PPP3CB: variants seen among roughly 807,000 people sequenced by gnomAD.
PPP3CB encodes the protein serine/threonine-protein phosphatase 2B catalytic subunit beta isoform.
PPP3CB carries 8 observed loss-of-function variants against 66.4 expected under a neutral mutation model. The ratio of observed to expected loss-of-function variants is 0.12; its 90% CI spans 0.07 to 0.22. The LOEUF (loss-of-function observed/expected upper bound fraction) is 0.22, where lower values mean the gene tolerates loss of function less well. Among genes scored for constraint, PPP3CB ranks in the 10% least tolerant of loss-of-function variants. PPP3CB has a pLI of 1.00. For synonymous variants in PPP3CB, 208 were observed against 221.2 expected (o/e 0.94, Z 0.53); for missense variants, 319 against 642.5 (o/e 0.50, Z 5.44).
At chr10:73,481,823 T>C (rs2056884492) in intron 1 of PPP3CB, among the ~76,000 whole-genome samples, 1 of 151,680 alleles carries the variant, frequency 6.6e-6, no homozygotes, top group Non-Finnish European at 1.5e-5. Context: ...TTATTTGCTA[T>C]CTAGTAAAAT....
intron 4 of PPP3CB, among the ~76,000 whole-genome samples, chr10:73,473,408 C>A (rs1041865010): frequency 1.3e-5 from 2 of 152,172 alleles, no homozygotes; most frequent in African/African-American, 4.8e-5. Flanking sequence ...AATCCCAGCA[C>A]TTTGGGAGGA....
At chr10:73,463,057 G>A (rs916221670) in intron 9 of PPP3CB, among the ~76,000 whole-genome samples, 2 of 147,902 alleles carry the variant, frequency 1.4e-5, no homozygotes, top group Admixed American at 1.4e-4. Flanking sequence ...AAGGGTTGTT[G>A]TAACAAGAGT....
In PPP3CB at chr10:73,437,317, A is replaced by G. The variant is rs2056085073; in HGVS notation, c.*925T>C. The G allele has an allele frequency of 6.5e-6, 1 of 152,678 alleles. No individual in the cohort carries two copies. The highest frequency in any genetic ancestry group is 1.5e-5 in the Non-Finnish European group (1 of 68,048). The allele number at this position is 152,678 out of a possible 1,614,324, so 9.5% of individuals were successfully genotyped here. ...TCTAAGCAACTTGAGTACTCACAAT[A>G]AACTAAAATTTCTCATAACATCTAG... On this transcript the variant is annotated 3_prime_UTR_variant, in exon 14 of 14. Transcript: ENST00000360663.
chr10:73,459,073 AAAC>A (rs755205521), intron 9 of PPP3CB, among the ~76,000 whole-genome samples: 39 of 152,302 alleles, frequency 2.6e-4, no homozygotes, highest in Admixed American at 3.3e-4. Context: ...TCTGTCTCAA[AAAC>A]AACAACAACA....
At chr10:73,477,102 A>C in intron 3 of PPP3CB, 1 of 508,012 alleles carries the variant, frequency 2.0e-6, no homozygotes, top group Non-Finnish European at 3.9e-6. Flanking sequence ...AAGTTACTTA[A>C]CCTCTCTAAG....
intron 1 of PPP3CB, 24 bp downstream of exon 1, chr10:73,495,781 C>T (rs1377644288): frequency 1.3e-6 from 2 of 1,569,952 alleles, no homozygotes; most frequent in African/African-American, 1.4e-5. Flanking sequence ...AGGCCAGGCC[C>T]CCAGGGTTTC....
rs368077062 is a variant in PPP3CB at position 73,479,323 on chromosome 10, T to C, written c.280A>G (p.Ile94Val). The C allele has an allele frequency of 4.3e-6, 7 of 1,613,674 alleles. No individual in the cohort carries two copies. In the South Asian group the frequency reaches 4.4e-5, roughly 10 times the overall value. Reference sequence around the variant, plus strand: ...AAAACATGAATAAGCTTACCTGTGATTGGAGCTTCTACTTCTATCATGGTT... The same window carrying C: ...AAAACATGAATAAGCTTACCTGTGACTGGAGCTTCTACTTCTATCATGGTT... Reference protein sequence around the residue: ...EKTMIEVEAPITVCGDIHGQF... With the variant: ...EKTMIEVEAPVTVCGDIHGQF... The change falls in exon 2 of 14, where the codon ATC becomes GTC. Residue 94 changes from isoleucine (I) to valine (V), a missense_variant. Transcript: ENST00000360663.
intron 1 of PPP3CB, among the ~76,000 whole-genome samples, chr10:73,491,205 A>G (rs986778453): frequency 6.6e-6 from 1 of 150,486 alleles, no homozygotes; most frequent in Admixed American, 6.6e-5. Flanking sequence ...TAATTTTTGT[A>G]TTTTTAGTAG....
intron 10 of PPP3CB, among the ~76,000 whole-genome samples, chr10:73,448,063 CTCTTCTAATAA>C (rs2056287176): frequency 1.3e-5 from 2 of 152,262 alleles, no homozygotes; most frequent in South Asian, 4.1e-4. Flanking sequence ...AAGTCTGATT[CTCTTCTAATAA>C]ATGATTATAA....
chr10:73,476,599 AGAGT>A (rs1185275190), intron 3 of PPP3CB, among the ~76,000 whole-genome samples: 1 of 151,402 alleles, frequency 6.6e-6, no homozygotes, highest in Non-Finnish European at 1.5e-5. Context: ...CCTGGGCGAC[AGAGT>A]GAGAGTCCAT....
Position 73,471,478 on chromosome 10 carries a change from T to C in PPP3CB, c.659A>G (p.Asp220Gly). The part of the protein sequence containing the change: ...GLSPEIHTLD[D>G]IRRLDRFKEP... ...AAAATATATACTTACTCTCCTAATATCATCCAGTGTGTGTATTTCTGGTGA... is the reference window on the plus strand; with the variant it reads ...AAAATATATACTTACTCTCCTAATACCATCCAGTGTGTGTATTTCTGGTGA... The change falls in exon 5 of 14, where the codon GAT becomes GGT. Residue 220 changes from aspartate (D) to glycine (G), a missense_variant. Coordinates refer to ENST00000360663, the MANE Select transcript of PPP3CB (RefSeq NM_021132.4). 19 of 1,606,382 alleles carry C rather than the reference T, an allele frequency of 1.2e-5. No individual in the cohort carries two copies. Among genetic ancestry groups the C allele is most frequent in the Non-Finnish European group, 1.6e-5 (19 of 1,177,300 alleles).
At chr10:73,439,695 T>C (rs756968557) in intron 13 of PPP3CB, among the ~76,000 whole-genome samples, 177 bp downstream of exon 13, 8 of 152,154 alleles carry the variant, frequency 5.3e-5, no homozygotes. Flanking sequence ...TCAGCCCTTC[T>C]GATTTAAAAA....
At chr10:73,495,597 C>G (rs1400383923) in intron 1 of PPP3CB, 1 of 622,188 alleles carries the variant, frequency 1.6e-6, no homozygotes, top group African/African-American at 2.0e-5. Flanking sequence ...ACCTCCGCCC[C>G]GGCCTGAAAG....
chr10:73,460,352 A>G (rs1431166006), intron 9 of PPP3CB, among the ~76,000 whole-genome samples: 1 of 151,756 alleles, frequency 6.6e-6, no homozygotes, highest in Non-Finnish European at 1.5e-5. Context: ...TAAAGATCAG[A>G]TAGATTTGAA....
intron 4 of PPP3CB, among the ~76,000 whole-genome samples, chr10:73,472,359 C>G (rs147500562): frequency 0.047 from 7,083 of 152,074 alleles, 506 homozygotes; most frequent in African/African-American, 0.15. Flanking sequence ...GCCAGGCATG[C>G]TGGTGTGCAC....
chr10:73,459,817 G>A (rs1182224646), intron 9 of PPP3CB, among the ~76,000 whole-genome samples: 3 of 152,270 alleles, frequency 2.0e-5, no homozygotes, highest in Admixed American at 6.5e-5. Context: ...AGGGGAAAAT[G>A]AAGAGTGACT....
chr10:73,440,507 T>G (rs936963712), intron 12 of PPP3CB, among the ~76,000 whole-genome samples: 1 of 152,224 alleles, frequency 6.6e-6, no homozygotes, highest in African/African-American at 2.4e-5. Context: ...TGAATTACTA[T>G]AAGTAGAACA....
Position 73,482,542 on chromosome 10 carries a change from CAAAAAAA to C in PPP3CB, c.86-3032_86-3026del, listed in dbSNP as rs537336452. Among the ~76,000 whole-genome samples the C allele has an allele frequency of 6.8e-4, 25 of 36,744 alleles. No homozygotes were observed. In the East Asian group the frequency reaches 7.9e-3, roughly 12 times the overall value. The allele number at this position is 36,744 out of a possible 152,430, so 24.1% of individuals were successfully genotyped here. On this transcript the variant is annotated intron_variant, in intron 1 of 13. Transcript: ENST00000360663. ...TGGGCGACAGAGCGAGACTCCGTCT[CAAAAAAA>C]AAAAAAAAAAAAAAAAAGAGACTCA... is the stretch of plus-strand genomic sequence containing the variant.
At chr10:73,462,301 G>A (rs188242328) in intron 9 of PPP3CB, among the ~76,000 whole-genome samples, 24 of 151,916 alleles carry the variant, frequency 1.6e-4, no homozygotes, top group Non-Finnish European at 2.8e-4. Context: ...TGGGATTACA[G>A]GCATGTGCCA....
Sources: gnomAD v4.1 joint callset for allele counts (sites outside exome capture counted in the v4.1 genomes callset) on GRCh38, gnomAD v4.1.1 for gene constraint, MANE v1.5 for transcripts, NCBI Gene and HGNC (gene_info 2026-07-23, HGNC 2026-07-21) for gene names.